TBX6: variants seen among roughly 807,000 people sequenced by gnomAD.
TBX6 encodes the protein T-box transcription factor 6.
In TBX6, 29 loss-of-function variants were observed where a neutral mutation model predicts 42.3. The observed-to-expected ratio is 0.69, with a 90% CI of 0.51 to 0.93. The LOEUF (loss-of-function observed/expected upper bound fraction) is 0.93. Among genes scored for constraint, TBX6 ranks in the 40% least tolerant of loss-of-function variants. TBX6 has a pLI of 0.00. For synonymous variants in TBX6, 249 were observed against 245.1 expected (o/e 1.02, Z -0.15); for missense variants, 569 against 603.3 (o/e 0.94, Z 0.59).
chr16:30,086,172 T>C lies in TBX6; in HGVS notation c.*53A>G. On this transcript the variant is annotated 3_prime_UTR_variant, in exon 9 of 9. Coordinates refer to ENST00000395224, the MANE Select transcript of TBX6 (RefSeq NM_004608.4). The surrounding 1 kb of genome is among the most constrained non-coding windows in gnomAD (Gnocchi z 4.6). ...GGTGGAGGTGAGGGGGCTCCAGGGC[T>C]GGGGGAAGGGAGCGGGAGGTTTGTG... 1 of 1,505,226 alleles carries C rather than the reference T, an allele frequency of 6.6e-7. No individual in the cohort carries two copies. Among genetic ancestry groups the C allele is most frequent in the Non-Finnish European group, 8.9e-7 (1 of 1,127,014 alleles). 93.2% of individuals were successfully genotyped at this position (1,505,226 alleles called of 1,614,324 possible).
At chr16:30,091,549 G>T in intron 1 of TBX6, 1 of 213,302 alleles carries the variant, frequency 4.7e-6, no homozygotes, top group Non-Finnish European at 9.5e-6. Flanking sequence ...TTCCCACGGT[G>T]GGGAGCCCCG....
In TBX6 at chr16:30,086,886, G is replaced by A; in HGVS notation, c.840-35C>T. 7.4e-7 allele frequency: 1 copy of A among 1,352,928 alleles called. No homozygotes were observed. The highest frequency in any genetic ancestry group is 1.0e-6 in the Non-Finnish European group (1 of 956,688). 83.8% of individuals were successfully genotyped at this position (1,352,928 alleles called of 1,614,324 possible). A position where few individuals can be genotyped will look rare whatever the true frequency, so the allele number is the denominator to read the frequency against. On this transcript the variant is annotated intron_variant, in intron 6 of 8. Coordinates refer to ENST00000395224, the MANE Select transcript of TBX6 (RefSeq NM_004608.4). This position sits in a 1 kb window ranked among gnomAD's most constrained non-coding sequence, Gnocchi z 4.6. ...AGTGGTGGTGATGATGATGATGATG[G>A]TGATGGCCATGGTGATGGTAACAGT...
chr16:30,086,345 C>T lies in TBX6; in HGVS notation c.1191G>A (p.Gly397=). The T allele has an allele frequency of 1.2e-6, 2 of 1,601,692 alleles. No homozygotes were observed. Among genetic ancestry groups the T allele is most frequent in the Non-Finnish European group, 1.7e-6 (2 of 1,176,302 alleles). The change falls in exon 9 of 9, where the codon GGG becomes GGA. Residue 397 remains glycine, a synonymous_variant. Coordinates refer to ENST00000395224, the MANE Select transcript of TBX6 (RefSeq NM_004608.4). The surrounding 1 kb of genome is among the most constrained non-coding windows in gnomAD (Gnocchi z 4.6). ...GTACCGCCGGTGGAGCCGCTGGGTA[C>T]CCGGAGCCCCCTGACCCGTGCGGCA... ...LELPHGSGGS[G]YPAAPPAVPF... is the part of the protein sequence containing the mutation.
In TBX6 at chr16:30,091,189, T is replaced by C. The variant is rs1349965003; in HGVS notation, c.5A>G (p.Tyr2Cys). MYHPRELYPSLG... is the reference protein window; with the variant it reads MCHPRELYPSLG... ...GGACGGGTACAATTCTCGTGGATGG[T>C]ACATGTTGTAGTTCCGTCTGGCCTC... Residue 2 changes from tyrosine (Y) to cysteine (C), a missense_variant, in exon 2 of 9, where the codon TAC (tyrosine) becomes TGC (cysteine). Physicochemically the swap from Tyr to Cys is radical, Grantham distance 194. Transcript: ENST00000395224. 3.2e-6 allele frequency: 5 copies of C among 1,574,054 alleles called. No homozygotes were observed. The highest frequency in any genetic ancestry group is 3.4e-6 in the Non-Finnish European group (4 of 1,162,466).
Position 30,091,103 on chromosome 16 carries a change from CG to C in TBX6, c.90del (p.Ala31ProfsTer2). 6.3e-7 allele frequency: 1 copy of C among 1,585,010 alleles called. No individual in the cohort carries two copies. The highest frequency in any genetic ancestry group is 8.6e-7 in the Non-Finnish European group (1 of 1,166,496). On this transcript the variant is annotated frameshift_variant, in exon 2 of 9. Transcript: ENST00000395224. LOFTEE classifies it high-confidence loss of function. ...AQPGADSSFPPALAEGYRYPE... is the reference protein window; with the variant it reads ...AQPGADSSFPXALAEGYRYPE... The stretch of plus-strand genomic sequence containing the variant: ...GGGTAGCGGTAGCCCTCCGCTAGGG[CG>C]GGTGGGAAGCTGGAGTCGGCCCCAG...
chr16:30,087,520 T>C (rs1271068468), intron 6 of TBX6, among the ~76,000 whole-genome samples: 2 of 152,146 alleles, frequency 1.3e-5, no homozygotes, highest in South Asian at 4.1e-4. Context: ...CCTTGGTTCA[T>C]GTCTGTCTCT....
chr16:30,090,756 A>AC lies in TBX6; in HGVS notation c.353+1dup. 1 of 1,608,374 alleles carries AC rather than the reference A, an allele frequency of 6.2e-7. No individual in the cohort carries two copies. The highest frequency in any genetic ancestry group is 8.5e-7 in the Non-Finnish European group (1 of 1,177,470). On this transcript the variant is annotated splice_donor_variant, in intron 3 of 8. Coordinates refer to ENST00000395224, the MANE Select transcript of TBX6 (RefSeq NM_004608.4). LOFTEE classifies it high-confidence loss of function. ...AAACACGGACCCTGGCCAGCCCCTC[A>AC]CCTCCCAGCTTTGGTGATGATCATT... is the stretch of plus-strand genomic sequence containing the variant.
chr16:30,088,223 C>T lies in TBX6; in HGVS notation c.839+322G>A, dbSNP rs2072668904. ...AGAGTGCTGGGATTACATGCGTGAG[C>T]CACCACACCTGGTCTCTCTTCTCTT... On this transcript the variant is annotated intron_variant, in intron 6 of 8. Transcript: ENST00000395224. The surrounding 1 kb of genome is among the most constrained non-coding windows in gnomAD (Gnocchi z 4.1). The T allele has an allele frequency of 1.1e-5, 4 of 374,490 alleles. No individual in the cohort carries two copies. Among genetic ancestry groups the T allele is most frequent in the Middle Eastern group, 8.5e-4 (1 of 1,170 alleles). 23.2% of individuals were successfully genotyped at this position (374,490 alleles called of 1,614,324 possible).
rs1295422802 is a variant in TBX6, at chr16:30,090,819, G to T, written c.292C>A (p.Arg98=). The change falls in exon 3 of 9, where the codon CGG becomes AGG. Residue 98 remains arginine (R), a synonymous_variant. Transcript: ENST00000395224. ...LPGVSLSLEN[R]ELWKEFSSVG... is the part of the protein sequence containing the mutation. The stretch of plus-strand genomic sequence containing the variant: ...GAGCTGAACTCCTTCCATAGCTCCC[G>T]GTTCTCCAGGCTCAGGCTGACCCCC... The T allele has an allele frequency of 6.2e-7, 1 of 1,603,458 alleles. No homozygotes were observed.
At chr16:30,087,409 A>C (rs1555484587) in intron 6 of TBX6, among the ~76,000 whole-genome samples, 2 of 152,064 alleles carry the variant, frequency 1.3e-5, no homozygotes. Flanking sequence ...CCTCACTGCA[A>C]GCGCAAGTTC....
rs752523539 is a variant in TBX6, at chr16:30,090,837, T to C, written c.274A>G (p.Ser92Gly). The C allele has an allele frequency of 6.9e-6, 11 of 1,604,438 alleles. No homozygotes were observed. The highest frequency in any genetic ancestry group is 4.4e-5 in the South Asian group (4 of 89,980). The change falls in exon 3 of 9, where the codon AGC becomes GGC. Residue 92 changes from serine (S) to glycine (G), a missense_variant. Physicochemically the swap from Ser to Gly is moderately conservative, Grantham distance 56. Transcript: ENST00000395224. ...PEALHSLPGV[S>G]LSLENRELWK... ...AGCTCCCGGTTCTCCAGGCTCAGGC[T>C]GACCCCCGGGAGGGAATGGAGGGCC... is the stretch of plus-strand genomic sequence containing the variant.
Position 30,086,551 on chromosome 16 carries a change from G to C in TBX6, c.1058C>G (p.Pro353Arg). Residue 353 changes from proline to arginine, a missense_variant, in exon 8 of 9, where the codon CCT becomes CGT. Physicochemically the swap from Pro to Arg is moderately radical, Grantham distance 103. This residue lies in a region of TBX6 where 245 missense variants were observed against 227.4 expected (regional missense o/e 1.08). Transcript: ENST00000395224. The surrounding 1 kb of genome is among the most constrained non-coding windows in gnomAD (Gnocchi z 4.6). Reference sequence around the variant, plus strand: ...ACTGGGGGCCCCATGGAAAGCCGCAGGGTGCAGGAGGTAGGCCTCAGCACT... The same window carrying C: ...ACTGGGGGCCCCATGGAAAGCCGCACGGTGCAGGAGGTAGGCCTCAGCACT... ...GPSAEAYLLH[P>R]AAFHGAPSHL... The C allele has an allele frequency of 6.6e-7, 1 of 1,525,518 alleles. No homozygotes were observed. The highest frequency in any genetic ancestry group is 8.8e-7 in the Non-Finnish European group (1 of 1,140,930). The allele number at this position is 1,525,518 out of a possible 1,614,324, so 94.5% of individuals were successfully genotyped here.
At chr16:30,087,029 G>T in intron 6 of TBX6, 178 bp from the exon 7 acceptor site, 1 of 725,038 alleles carries the variant, frequency 1.4e-6, no homozygotes, top group Non-Finnish European at 2.2e-6. Context: ...CTAGAAAGTG[G>T]CAGAGCTGGA....
intron 1 of TBX6, chr16:30,091,653 C>T (rs944831842): frequency 6.2e-6 from 1 of 162,016 alleles, no homozygotes; most frequent in Non-Finnish European, 1.4e-5. Context: ...GGCAGGTGAC[C>T]GCCCTCCGCC....
At chr16:30,091,348 G>C in intron 1 of TBX6, 107 bp from the exon 2 acceptor site, 1 of 661,046 alleles carries the variant, frequency 1.5e-6, no homozygotes, top group Non-Finnish European at 2.5e-6. Flanking sequence ...GGAGACCCCT[G>C]GGGCCTCGAA....
intron 3 of TBX6, 45 bp downstream of exon 3, chr16:30,090,713 C>T: frequency 6.3e-7 from 1 of 1,582,586 alleles, no homozygotes; most frequent in Non-Finnish European, 8.6e-7. Context: ...TCTGCCTTTC[C>T]CAAGAGACCC....
chr16:30,086,327 C>T lies in TBX6; in HGVS notation c.1209G>A (p.Pro403=), dbSNP rs151228523. The change falls in exon 9 of 9, where the codon CCG becomes CCA. Residue 403 remains proline (P), a synonymous_variant. Coordinates refer to ENST00000395224, the MANE Select transcript of TBX6 (RefSeq NM_004608.4). This position sits in a 1 kb window ranked among gnomAD's most constrained non-coding sequence, Gnocchi z 4.6. ...SGGSGYPAAP[P]AVPFAPHFLQ... is the part of the protein sequence containing the mutation. Reference sequence around the variant, plus strand: ...GAAAGTGCGGGGCAAAGGGTACCGCCGGTGGAGCCGCTGGGTACCCGGAGC... The same window carrying T: ...GAAAGTGCGGGGCAAAGGGTACCGCTGGTGGAGCCGCTGGGTACCCGGAGC... The T allele has an allele frequency of 5.9e-5, 94 of 1,606,206 alleles. No homozygotes were observed. Among genetic ancestry groups the T allele is most frequent in the East Asian group, 2.5e-4 (11 of 44,780 alleles).
chr16:30,088,658 A>AG lies in TBX6; in HGVS notation c.768+34dup, dbSNP rs779304786. ...GGGTCAAAGCAACTGCGGTCTGGGCAGGGGGCCACCACCCCCTCAAGCAGG... is the reference window on the plus strand; with the variant it reads ...GGGTCAAAGCAACTGCGGTCTGGGCAGGGGGGCCACCACCCCCTCAAGCAGG... On this transcript the variant is annotated intron_variant, in intron 5 of 8. Transcript: ENST00000395224. The surrounding 1 kb of genome is among the most constrained non-coding windows in gnomAD (Gnocchi z 4.1). 1.2e-6 allele frequency: 2 copies of AG among 1,614,104 alleles called. No homozygotes were observed. Among genetic ancestry groups the AG allele is most frequent in the Non-Finnish European group, 1.7e-6 (2 of 1,180,010 alleles).
At position 30,088,937 on chromosome 16, in the gene TBX6, C is replaced by T. The variant is rs201199138; in HGVS notation, c.621+6G>A. ...CCCTATCCTGGAGTCCCAGCCTGGGCCTCACGTGGCCGTGGGGGTCCAGCG... is the reference window on the plus strand; with the variant it reads ...CCCTATCCTGGAGTCCCAGCCTGGGTCTCACGTGGCCGTGGGGGTCCAGCG... On this transcript the variant is annotated splice_donor_region_variant and intron_variant, in intron 4 of 8. Coordinates refer to ENST00000395224, the MANE Select transcript of TBX6 (RefSeq NM_004608.4). This position sits in a 1 kb window ranked among gnomAD's most constrained non-coding sequence, Gnocchi z 4.1. 28 of 1,604,848 alleles carry T rather than the reference C, an allele frequency of 1.7e-5. No homozygotes were observed. The East Asian group carries it at 5.4e-4, about 31-fold the overall frequency.
Sources: gnomAD v4.1 joint callset for allele counts (sites outside exome capture counted in the v4.1 genomes callset) on GRCh38, gnomAD v4.1.1 for gene constraint, gnomAD v4.1.1 regional missense constraint, Gnocchi (gnomAD v3.1) non-coding constraint, MANE v1.5 for transcripts, NCBI Gene and HGNC (gene_info 2026-07-23, HGNC 2026-07-21) for gene names.